Variants in ASAP1 observed in about 807,000 individuals in gnomAD.
ASAP1 encodes ArfGAP with SH3 domain, ankyrin repeat and PH domain 1, also known as arf-GAP with SH3 domain, ANK repeat and PH domain-containing protein 1.
In ASAP1, 43 loss-of-function variants were observed where a neutral mutation model predicts 145.2. The observed-to-expected ratio is 0.30, with a 90% CI of 0.23 to 0.38. ASAP1 has a LOEUF of 0.38. Ranked by LOEUF, ASAP1 falls within the 10% of genes least tolerant of loss-of-function variation. The pLI, the probability that ASAP1 is intolerant of heterozygous loss-of-function variation, is 1.00. For synonymous variants in ASAP1, 546 were observed against 515.5 expected (o/e 1.06, Z -0.80); for missense variants, 1,018 against 1,355.3 (o/e 0.75, Z 3.91).
At chr8:130,180,234 G>A (rs1160400326) in intron 8 of ASAP1, among the ~76,000 whole-genome samples, 1 of 152,178 alleles carries the variant, frequency 6.6e-6, no homozygotes, top group African/African-American at 2.4e-5. Context: ...CAACAGCCGT[G>A]TCAGAACAGG....
intron 4 of ASAP1, among the ~76,000 whole-genome samples, chr8:130,221,847 T>C (rs1817310551): frequency 6.6e-6 from 1 of 152,228 alleles, no homozygotes; most frequent in Non-Finnish European, 1.5e-5. Context: ...CAGCTTTATC[T>C]TTCTAAACCT....
Position 130,179,261 on chromosome 8 carries a change from C to T in ASAP1, c.746+3G>A. On this transcript the variant is annotated splice_donor_region_variant and intron_variant, in intron 9 of 29. Transcript: ENST00000518721. ...ATAACAATGCTTGCAATATTCTACT[C>T]ACTTGCACTGTGCATGGTAATACTT... is the stretch of plus-strand genomic sequence containing the variant. 1 of 1,582,980 alleles carries T rather than the reference C, an allele frequency of 6.3e-7. No individual in the cohort carries two copies. The highest frequency in any genetic ancestry group is 8.7e-7 in the Non-Finnish European group (1 of 1,152,228).
intron 13 of ASAP1, among the ~76,000 whole-genome samples, chr8:130,149,777 G>A (rs1005993277): frequency 2.6e-5 from 4 of 152,182 alleles, no homozygotes; most frequent in African/African-American, 9.7e-5. Context: ...TGCAAAGTCA[G>A]GAAAAGCCCG....
intron 17 of ASAP1, 115 bp from the exon 18 acceptor site, chr8:130,124,219 G>T (rs1455903849): frequency 1.3e-5 from 10 of 762,020 alleles, no homozygotes; most frequent in Non-Finnish European, 2.1e-5. Context: ...ATTTGACTTA[G>T]AATACAAACC....
chr8:130,318,078 T>C (rs915329331), intron 3 of ASAP1, among the ~76,000 whole-genome samples: 4 of 152,224 alleles, frequency 2.6e-5, no homozygotes, highest in Non-Finnish European at 4.4e-5. Flanking sequence ...ATGGAATCCA[T>C]GGACCAGATG....
chr8:130,371,818 A>AAAAC (rs1246224101), intron 2 of ASAP1, among the ~76,000 whole-genome samples: 1 of 152,254 alleles, frequency 6.6e-6, no homozygotes. Flanking sequence ...TCAGAGAGGG[A>AAAAC]AAACAAACAA....
chr8:130,342,187 G>C (rs1825428355), intron 3 of ASAP1, among the ~76,000 whole-genome samples: 1 of 152,164 alleles, frequency 6.6e-6, no homozygotes, highest in African/African-American at 2.4e-5. Flanking sequence ...AGGGGGTGAG[G>C]AGGATGAAGA....
chr8:130,244,906 G>C (rs1458289132), intron 3 of ASAP1, among the ~76,000 whole-genome samples: 1 of 152,140 alleles, frequency 6.6e-6, no homozygotes, highest in Non-Finnish European at 1.5e-5. Flanking sequence ...GTGCAGACAG[G>C]AAAGACAAGT....
At chr8:130,111,008 C>T (rs1410318422) in intron 24 of ASAP1, among the ~76,000 whole-genome samples, 5 of 152,060 alleles carry the variant, frequency 3.3e-5, no homozygotes, top group African/African-American at 1.2e-4. Context: ...TGAGGCAACA[C>T]TTTAATGGTA....
At chr8:130,071,820 C>A (rs555869060) in intron 27 of ASAP1, among the ~76,000 whole-genome samples, 5 of 152,242 alleles carry the variant, frequency 3.3e-5, no homozygotes, top group African/African-American at 1.2e-4. Flanking sequence ...ATGGACTGGA[C>A]TAATTATTAA....
intron 5 of ASAP1, among the ~76,000 whole-genome samples, chr8:130,202,653 G>A (rs1815940367): frequency 6.6e-6 from 1 of 152,092 alleles, no homozygotes; most frequent in South Asian, 2.1e-4. Flanking sequence ...ATAATTTACG[G>A]CTCAGATAAA....
In ASAP1 at chr8:130,079,894, T is replaced by C; in HGVS notation, c.2642+8A>G. On this transcript the variant is annotated splice_region_variant and intron_variant, in intron 26 of 29. Coordinates refer to ENST00000518721, the MANE Select transcript of ASAP1 (RefSeq NM_018482.4). ...CAACAGGGGAAATGAAGCGCTGAGA[T>C]GGCTTACCTCGACTGCTGGGATAGT... The C allele has an allele frequency of 6.2e-7, 1 of 1,613,492 alleles. No homozygotes were observed. Among genetic ancestry groups the C allele is most frequent in the Non-Finnish European group, 8.5e-7 (1 of 1,179,366 alleles).
intron 29 of ASAP1, among the ~76,000 whole-genome samples, chr8:130,055,815 G>C (rs2134990499): frequency 6.6e-6 from 1 of 152,356 alleles, no homozygotes; most frequent in East Asian, 1.9e-4. Context: ...GTGGTTTTAA[G>C]AGTGGAACAG....
At chr8:130,318,177 G>A (rs1823779121) in intron 3 of ASAP1, among the ~76,000 whole-genome samples, 1 of 152,152 alleles carries the variant, frequency 6.6e-6, no homozygotes, top group Admixed American at 6.5e-5. Flanking sequence ...GACCGCCCAG[G>A]CTCAAGTAAT....
intron 7 of ASAP1, among the ~76,000 whole-genome samples, chr8:130,183,164 TAC>T (rs575038812): frequency 2.0e-5 from 3 of 152,162 alleles, no homozygotes; most frequent in South Asian, 4.1e-4. Flanking sequence ...TAAAACCTTT[TAC>T]AGAGACAAGA....
intron 3 of ASAP1, among the ~76,000 whole-genome samples, chr8:130,346,209 T>C (rs1396330597): frequency 6.6e-6 from 1 of 152,184 alleles, no homozygotes; most frequent in Non-Finnish European, 1.5e-5. Context: ...CTGAGGTACT[T>C]ACAATCTACT....
At position 130,053,769 on chromosome 8, in the gene ASAP1, C is replaced by T. The variant is rs1317081733; in HGVS notation, c.*962G>A. 1 of 152,174 alleles carries T rather than the reference C, an allele frequency of 6.6e-6. No individual in the cohort carries two copies. The highest frequency in any genetic ancestry group is 1.5e-5 in the Non-Finnish European group (1 of 68,028). The allele number at this position is 152,174 out of a possible 1,614,324, so 9.4% of individuals were successfully genotyped here. The stretch of plus-strand genomic sequence containing the variant: ...ATCTGAGAGATGTGCATTCATAACA[C>T]AATATGTCAATCCATACTCTTGAGA... On this transcript the variant is annotated 3_prime_UTR_variant, in exon 30 of 30. Transcript: ENST00000518721.
Position 130,112,188 on chromosome 8 carries a change from G to A in ASAP1, c.2307C>T (p.Ala769=). Residue 769 remains alanine (A), a synonymous_variant, in exon 24 of 30, where the codon GCC becomes GCT. Coordinates refer to ENST00000518721, the MANE Select transcript of ASAP1 (RefSeq NM_018482.4). ...TGGAAACGAAGATCTGGTTGGTGAA[G>A]GCTCCATAGGAGAGCCGCTGTTTGT... is the stretch of plus-strand genomic sequence containing the variant. ...PRDKQRLSYG[A]FTNQIFVSTS... 1 of 1,614,172 alleles carries A rather than the reference G, an allele frequency of 6.2e-7. No homozygotes were observed. Among genetic ancestry groups the A allele is most frequent in the Non-Finnish European group, 8.5e-7 (1 of 1,180,038 alleles).
chr8:130,074,781 G>A (rs1388351537), intron 27 of ASAP1, among the ~76,000 whole-genome samples: 1 of 152,180 alleles, frequency 6.6e-6, no homozygotes, highest in Non-Finnish European at 1.5e-5. Flanking sequence ...AGGGGAGTGG[G>A]CTGAAAGGTT....
Sources: allele counts gnomAD v4.1 joint callset (sites outside exome capture counted in the v4.1 genomes callset), GRCh38; gene constraint gnomAD v4.1.1; transcripts MANE v1.5; gene names NCBI Gene and HGNC (gene_info 2026-07-23, HGNC 2026-07-21).